CILP: variants seen among roughly 807,000 people sequenced by gnomAD.
The protein encoded by CILP is cartilage intermediate layer protein.
Under a neutral mutation model 82.5 loss-of-function variants are expected in CILP, and 75 were observed. The observed-to-expected ratio is 0.91, with a 90% CI of 0.75 to 1.10. The LOEUF (loss-of-function observed/expected upper bound fraction) is 1.10, where lower values mean the gene tolerates loss of function less well. CILP is among the 50% of genes least tolerant of loss of function. The pLI, the probability that CILP is intolerant of heterozygous loss-of-function variation, is 0.00. For synonymous variants in CILP, 530 were observed against 580.3 expected, an observed-to-expected ratio of 0.91 and a Z score of 1.25; for missense variants, 1,479 against 1,530.8, an observed-to-expected ratio of 0.97 and a Z score of 0.56.
chr15:65,205,610 G>A (rs1466599254), intron 4 of CILP, 144 bp from the exon 5 acceptor site: 2 of 898,866 alleles, frequency 2.2e-6, no homozygotes, highest in Admixed American at 3.0e-5. Context: ...ATTTACTGCA[G>A]TGATTTTTCC....
chr15:65,207,679 G>C lies in CILP; in HGVS notation c.147C>G (p.Thr49=). ...NPSIFAKPAD[T]LESPGEWTTW... The stretch of plus-strand genomic sequence containing the variant: ...GCTTCAGCCACAACTCACTCTCCAG[G>C]GTGTCGGCAGGCTTGGCAAAGATGC... The change falls in exon 3 of 9, where the codon ACC becomes ACG. Residue 49 remains threonine (T), a synonymous_variant. Coordinates refer to ENST00000261883, the MANE Select transcript of CILP (RefSeq NM_003613.4). 6.2e-7 allele frequency: 1 copy of C among 1,614,016 alleles called. No individual in the cohort carries two copies.
chr15:65,198,847 C>T lies in CILP; in HGVS notation c.1439G>A (p.Cys480Tyr). The T allele has an allele frequency of 6.2e-7, 1 of 1,614,136 alleles. No homozygotes were observed. The highest frequency in any genetic ancestry group is 8.5e-7 in the Non-Finnish European group (1 of 1,180,040). Residue 480 changes from cysteine to tyrosine, a missense_variant, in exon 9 of 9, where the codon TGC becomes TAC. Cys to Tyr is a radical substitution (Grantham distance 194). Coordinates refer to ENST00000261883, the MANE Select transcript of CILP (RefSeq NM_003613.4). ...YTLPTKVAKE[C>Y]SCQRCTETRS... ...AGTTTCCGTACACCGCTGGCAGCTG[C>T]ACTCCTTGGCCACCTTGGTGGGTAG...
At position 65,197,511 on chromosome 15, in the gene CILP, G is replaced by A; in HGVS notation, c.2775C>T (p.Asn925=). 6.2e-7 allele frequency: 1 copy of A among 1,614,246 alleles called. No homozygotes were observed. Among genetic ancestry groups the A allele is most frequent in the Non-Finnish European group, 8.5e-7 (1 of 1,180,044 alleles). Residue 925 remains asparagine, a synonymous_variant, in exon 9 of 9, where the codon AAC becomes AAT. Coordinates refer to ENST00000261883, the MANE Select transcript of CILP (RefSeq NM_003613.4). Reference sequence around the variant, plus strand: ...GGTCATCTTCGTTGAAGGGGACTGTGTTGTAGTCATATCGATCCCCCTCAA... The same window carrying A: ...GGTCATCTTCGTTGAAGGGGACTGTATTGTAGTCATATCGATCCCCCTCAA... ...YQIEGDRYDY[N]TVPFNEDDPM...
At chr15:65,204,852 C>G (rs564339864) in intron 5 of CILP, among the ~76,000 whole-genome samples, 1 of 152,240 alleles carries the variant, frequency 6.6e-6, no homozygotes, top group Admixed American at 6.5e-5. Flanking sequence ...AACCTTGTCT[C>G]TACAAAAAAT....
At chr15:65,199,500 T>A (rs574298405) in intron 8 of CILP, among the ~76,000 whole-genome samples, 1 of 152,294 alleles carries the variant, frequency 6.6e-6, no homozygotes, top group East Asian at 1.9e-4. Flanking sequence ...CCACCACTCA[T>A]TCATGTAGGT....
intron 4 of CILP, among the ~76,000 whole-genome samples, chr15:65,206,571 T>A (rs1387928893): frequency 6.6e-6 from 1 of 152,088 alleles, no homozygotes; most frequent in Non-Finnish European, 1.5e-5. Context: ...CACAAAACAC[T>A]ATTGGAAAAG....
In CILP at chr15:65,197,504, G is replaced by A; in HGVS notation, c.2782C>T (p.Pro928Ser). 1 of 1,614,238 alleles carries A rather than the reference G, an allele frequency of 6.2e-7. No homozygotes were observed. The highest frequency in any genetic ancestry group is 8.5e-7 in the Non-Finnish European group (1 of 1,180,046). The change falls in exon 9 of 9, where the codon CCC becomes TCC. Residue 928 changes from proline to serine, a missense_variant. Pro to Ser is a moderately conservative substitution (Grantham distance 74, BLOSUM62 -1). Transcript: ENST00000261883. ...CTCATAGGGTCATCTTCGTTGAAGG[G>A]GACTGTGTTGTAGTCATATCGATCC... ...EGDRYDYNTVPFNEDDPMSWT... is the reference protein window; with the variant it reads ...EGDRYDYNTVSFNEDDPMSWT...
Position 65,197,953 on chromosome 15 carries a change from A to G in CILP, c.2333T>C (p.Ile778Thr), listed in dbSNP as rs1388264094. 3 of 1,614,158 alleles carry G rather than the reference A, an allele frequency of 1.9e-6. No homozygotes were observed. Among genetic ancestry groups the G allele is most frequent in the African/African-American group, 1.3e-5 (1 of 75,030 alleles). ...GAAGCCAGTTCTAGGCTCCAGGTTA[A>G]TCACGGAGATCACAACCCCCTGGAT... ...EQIQGVVISV[I>T]NLEPRTGFLS... The change falls in exon 9 of 9, where the codon ATT (isoleucine) becomes ACT (threonine). Residue 778 changes from isoleucine (I) to threonine (T), a missense_variant. Ile to Thr is a moderately conservative substitution (Grantham distance 89). Coordinates refer to ENST00000261883, the MANE Select transcript of CILP (RefSeq NM_003613.4).
At position 65,197,922 on chromosome 15, in the gene CILP, G is replaced by A. The variant is rs2088393784; in HGVS notation, c.2364C>T (p.Ser788=). 2 of 1,613,972 alleles carry A rather than the reference G, an allele frequency of 1.2e-6. No individual in the cohort carries two copies. The highest frequency in any genetic ancestry group is 1.3e-5 in the African/African-American group (1 of 74,908). ...CAAAGCGGCCCCAGGCCCTAGGGTT[G>A]GACAAGAAGCCAGTTCTAGGCTCCA... ...INLEPRTGFL[S]NPRAWGRFDS... Residue 788 remains serine (S), a synonymous_variant, in exon 9 of 9, where the codon TCC becomes TCT. Coordinates refer to ENST00000261883, the MANE Select transcript of CILP (RefSeq NM_003613.4).
At chr15:65,206,140 T>C (rs903754154) in intron 4 of CILP, among the ~76,000 whole-genome samples, 4 of 152,196 alleles carry the variant, frequency 2.6e-5, no homozygotes, top group African/African-American at 9.6e-5. Context: ...AAACCCCAGC[T>C]CTGCCTTATC....
At position 65,197,305 on chromosome 15, in the gene CILP, C is replaced by T. The variant is rs143163077; in HGVS notation, c.2981G>A (p.Arg994Gln). Reference protein sequence around the residue: ...LYGIRDVRSTRDRDQPNVSAA... With the variant: ...LYGIRDVRSTQDRDQPNVSAA... Reference sequence around the variant, plus strand: ...TGAGACATTGGGCTGGTCCCTGTCCCGAGTGCTCCTCACATCTCGGATTCC... The same window carrying T: ...TGAGACATTGGGCTGGTCCCTGTCCTGAGTGCTCCTCACATCTCGGATTCC... Residue 994 changes from arginine (R) to glutamine (Q), a missense_variant, in exon 9 of 9, where the codon CGG becomes CAG. Arg to Gln is a conservative substitution (Grantham distance 43, BLOSUM62 1). Coordinates refer to ENST00000261883, the MANE Select transcript of CILP (RefSeq NM_003613.4). 6.1e-5 allele frequency: 98 copies of T among 1,614,080 alleles called. No homozygotes were observed. The highest frequency in any genetic ancestry group is 7.5e-5 in the Non-Finnish European group (89 of 1,180,006).
chr15:65,202,834 C>CTTTTTTTTTT (rs10634666), intron 7 of CILP, among the ~76,000 whole-genome samples: 28 of 117,558 alleles, frequency 2.4e-4, no homozygotes, highest in East Asian at 4.8e-4. Context: ...GGGACCACAG[C>CTTTTTTTTTT]TTTTTTTTTT....
rs2088420414 is a variant in CILP, at chr15:65,199,092, A to G, written c.1194T>C (p.Asp398=). 1 of 1,585,878 alleles carries G rather than the reference A, an allele frequency of 6.3e-7. No individual in the cohort carries two copies. The highest frequency in any genetic ancestry group is 1.1e-5 in the South Asian group (1 of 89,178). The change falls in exon 9 of 9, where the codon GAT becomes GAC. Residue 398 remains aspartate, a synonymous_variant. Transcript: ENST00000261883. ...KVAQLIVIAS[D]ETPCNPVPES... ...CAGGAACTGGGTTGCAAGGAGTCTC[A>G]TCAGATGCTGTGTAGGGAAATGGTG... is the stretch of plus-strand genomic sequence containing the variant.
rs1445430541 is a variant in CILP at position 65,195,290 on chromosome 15, T to C, written c.*1441A>G. 1 of 152,216 alleles carries C rather than the reference T, an allele frequency of 6.6e-6. No homozygotes were observed. Among genetic ancestry groups the C allele is most frequent in the Non-Finnish European group, 1.5e-5 (1 of 68,082 alleles). 9.4% of individuals were successfully genotyped at this position (152,216 alleles called of 1,614,324 possible). On this transcript the variant is annotated 3_prime_UTR_variant, in exon 9 of 9. Coordinates refer to ENST00000261883, the MANE Select transcript of CILP (RefSeq NM_003613.4). Reference sequence around the variant, plus strand: ...CATCAGGGAAAGCTTTTTGTCCTGATTGTAAACAGTGTCCTCTCTTCTCCC... The same window carrying C: ...CATCAGGGAAAGCTTTTTGTCCTGACTGTAAACAGTGTCCTCTCTTCTCCC...
chr15:65,199,365 T>C (rs2088423109), intron 8 of CILP, among the ~76,000 whole-genome samples: 1 of 152,160 alleles, frequency 6.6e-6, no homozygotes, highest in South Asian at 2.1e-4. Context: ...GTGTTTTGGG[T>C]TATCTCCAAA....
chr15:65,209,966 G>T, intron 1 of CILP, 105 bp from the exon 2 acceptor site: 1 of 539,936 alleles, frequency 1.9e-6, no homozygotes. Flanking sequence ...TGGACAGAAT[G>T]ATATGAAAGT....
intron 5 of CILP, 127 bp from the exon 6 acceptor site, chr15:65,204,709 C>G: frequency 2.1e-6 from 2 of 938,840 alleles, no homozygotes; most frequent in Non-Finnish European, 1.5e-6. Context: ...ATGACTAACT[C>G]CCACTCATCC....
intron 8 of CILP, among the ~76,000 whole-genome samples, chr15:65,199,979 G>A (rs978139920): frequency 6.6e-6 from 1 of 152,126 alleles, no homozygotes; most frequent in Non-Finnish European, 1.5e-5. Context: ...GGAAAATCAC[G>A]TTTCTACAAC....
At chr15:65,205,767 T>C (rs2140681028) in intron 4 of CILP, among the ~76,000 whole-genome samples, 1 of 152,326 alleles carries the variant, frequency 6.6e-6, no homozygotes, top group South Asian at 2.1e-4. Context: ...ACTGTCTTTC[T>C]TCTTCACCAG....
Sources: allele counts gnomAD v4.1 joint callset (sites outside exome capture counted in the v4.1 genomes callset), GRCh38; gene constraint gnomAD v4.1.1; transcripts MANE v1.5; gene names NCBI Gene and HGNC (gene_info 2026-07-23, HGNC 2026-07-21).